SEMA6D: variants seen among roughly 807,000 people sequenced by gnomAD.
SEMA6D encodes the protein semaphorin 6D.
SEMA6D carries 35 observed loss-of-function variants against 106.6 expected under a neutral mutation model. The observed-to-expected ratio is 0.33, with a 90% CI of 0.25 to 0.44. The LOEUF (loss-of-function observed/expected upper bound fraction) is 0.44, where lower values mean the gene tolerates loss of function less well. Among genes scored for constraint, SEMA6D ranks in the 20% least tolerant of loss-of-function variants. SEMA6D has a pLI of 1.00. For missense variants in SEMA6D, 1,185 were observed against 1,345.9 expected, an observed-to-expected ratio of 0.88 and a Z score of 1.87; for synonymous variants, 499 against 487.7, an observed-to-expected ratio of 1.02 and a Z score of -0.31.
chr15:47,390,024 T>G (rs965449427), intron 1 of SEMA6D, among the ~76,000 whole-genome samples: 1 of 152,230 alleles, frequency 6.6e-6, no homozygotes, highest in Non-Finnish European at 1.5e-5. Flanking sequence ...CTTTATATAC[T>G]GTCTCTCTTA....
intron 1 of SEMA6D, among the ~76,000 whole-genome samples, chr15:47,228,226 C>T (rs1445350928): frequency 2.7e-5 from 4 of 150,240 alleles, no homozygotes; most frequent in Admixed American, 6.7e-5. Context: ...GTGATTGAGT[C>T]GTACCAGCAG....
In SEMA6D at chr15:47,763,916, A is replaced by G; in HGVS notation, c.814A>G (p.Lys272Glu). The G allele has an allele frequency of 6.2e-7, 1 of 1,613,946 alleles. No individual in the cohort carries two copies. Among genetic ancestry groups the G allele is most frequent in the Non-Finnish European group, 8.5e-7 (1 of 1,179,890 alleles). Residue 272 changes from lysine (K) to glutamate (E), a missense_variant, in exon 10 of 19, where the codon AAA becomes GAA. By Grantham distance (56) the Lys-to-Glu change is moderately conservative (BLOSUM62 1). This residue lies in a region of SEMA6D where 291 missense variants were observed against 423.8 expected (regional missense o/e 0.69). Coordinates refer to ENST00000536845, the MANE Select transcript of SEMA6D (RefSeq NM_001358351.3). ...GGGTGGTTCCCAGCGGGTCCTGGAG[A>G]AACACTGGACTTCATTTCTAAAGGC... Reference protein sequence around the residue: ...DMGGSQRVLEKHWTSFLKARL... With the variant: ...DMGGSQRVLEEHWTSFLKARL...
chr15:47,319,440 G>A (rs1055870148), intron 1 of SEMA6D, among the ~76,000 whole-genome samples: 1 of 152,154 alleles, frequency 6.6e-6, no homozygotes, highest in Non-Finnish European at 1.5e-5. Context: ...TAAGATGTGG[G>A]TGGAGGACTC....
intron 3 of SEMA6D, among the ~76,000 whole-genome samples, chr15:47,551,322 G>C (rs2045680338): frequency 6.6e-6 from 1 of 152,090 alleles, no homozygotes; most frequent in Non-Finnish European, 1.5e-5. Flanking sequence ...TACTCCATTT[G>C]GTTGGGGGCA....
intron 2 of SEMA6D, among the ~76,000 whole-genome samples, chr15:47,444,201 C>A (rs548750374): frequency 6.6e-6 from 1 of 152,264 alleles, no homozygotes; most frequent in Non-Finnish European, 1.5e-5. Context: ...TAATCATGTG[C>A]ACATGCACAT....
chr15:47,293,981 A>G (rs1323002928), intron 1 of SEMA6D, among the ~76,000 whole-genome samples: 1 of 152,200 alleles, frequency 6.6e-6, no homozygotes, highest in African/African-American at 2.4e-5. Context: ...CTGCAACGTC[A>G]GCAGTGCTTG....
chr15:47,384,558 G>A (rs532416014), intron 1 of SEMA6D, among the ~76,000 whole-genome samples: 2 of 152,326 alleles, frequency 1.3e-5, no homozygotes, highest in African/African-American at 2.4e-5. Flanking sequence ...CAGAGGCCCT[G>A]CAGCCTGCAA....
At chr15:47,404,532 G>C (rs1221304091) in intron 1 of SEMA6D, among the ~76,000 whole-genome samples, 1 of 152,098 alleles carries the variant, frequency 6.6e-6, no homozygotes, top group Non-Finnish European at 1.5e-5. Context: ...CTCTCTCTAA[G>C]ACCTTTAATG....
At chr15:47,216,444 A>G (rs1438213675) in intron 1 of SEMA6D, among the ~76,000 whole-genome samples, 2 of 152,156 alleles carry the variant, frequency 1.3e-5, no homozygotes, top group Non-Finnish European at 2.9e-5. Flanking sequence ...CATGTTACAC[A>G]TCCCAGAATA....
chr15:47,564,212 C>G (rs1315756590), intron 3 of SEMA6D, among the ~76,000 whole-genome samples: 3 of 152,182 alleles, frequency 2.0e-5, no homozygotes, highest in Non-Finnish European at 4.4e-5. Flanking sequence ...CAAGAGTCAG[C>G]CTGCCTATAC....
intron 4 of SEMA6D, among the ~76,000 whole-genome samples, chr15:47,669,569 G>A (rs1285496347): frequency 6.6e-6 from 1 of 152,050 alleles, no homozygotes; most frequent in African/African-American, 2.4e-5. Context: ...ATTCTCCATG[G>A]CTACTATTCA....
chr15:47,311,800 G>A (rs1005670202), intron 1 of SEMA6D, among the ~76,000 whole-genome samples: 2 of 152,080 alleles, frequency 1.3e-5, no homozygotes, highest in South Asian at 4.1e-4. Context: ...AATCTCTTTC[G>A]GTGAGTTTTA....
chr15:47,654,307 C>A (rs532790946), intron 4 of SEMA6D, among the ~76,000 whole-genome samples: 238 of 152,262 alleles, frequency 1.6e-3, no homozygotes, highest in Non-Finnish European at 2.8e-3. Context: ...ACTTGACTTT[C>A]CCAAAACTTA....
chr15:47,745,563 A>AT (rs2147167953), intron 1 of SEMA6D, among the ~76,000 whole-genome samples: 1 of 152,344 alleles, frequency 6.6e-6, no homozygotes, highest in African/African-American at 2.4e-5. Flanking sequence ...AGGAACTGAG[A>AT]TTTTAAGAAC....
chr15:47,694,553 C>A (rs1357677022), intron 4 of SEMA6D, among the ~76,000 whole-genome samples: 1 of 152,074 alleles, frequency 6.6e-6, no homozygotes, highest in Admixed American at 6.6e-5. Context: ...AATTCAGGGC[C>A]TGCTTGGGTG....
chr15:47,770,214 T>G (rs485173), intron 18 of SEMA6D, among the ~76,000 whole-genome samples: 1 of 152,026 alleles, frequency 6.6e-6, no homozygotes. Context: ...TCTTACATTT[T>G]TAACATGTAA....
chr15:47,227,419 C>CTCTTTCTT (rs10652948), intron 1 of SEMA6D, among the ~76,000 whole-genome samples: 60,843 of 115,340 alleles, frequency 0.53, 17,731 homozygotes, highest in East Asian at 0.83. Context: ...TTCTTTCTTT[C>CTCTTTCTT]TCTTTCTTTC....
intron 3 of SEMA6D, among the ~76,000 whole-genome samples, chr15:47,548,047 C>T (rs1252266319): frequency 6.6e-6 from 1 of 152,126 alleles, no homozygotes; most frequent in Non-Finnish European, 1.5e-5. Flanking sequence ...TGTGTCTTTT[C>T]ATTTGCCACA....
intron 1 of SEMA6D, among the ~76,000 whole-genome samples, chr15:47,289,450 G>A (rs1398291145): frequency 6.9e-6 from 1 of 144,848 alleles, no homozygotes; most frequent in Non-Finnish European, 1.5e-5. Flanking sequence ...CAGCATATTT[G>A]TTTTTCAGTA....
Sources: gnomAD v4.1 joint callset for allele counts (sites outside exome capture counted in the v4.1 genomes callset) on GRCh38, gnomAD v4.1.1 for gene constraint, gnomAD v4.1.1 regional missense constraint, MANE v1.5 for transcripts, NCBI Gene and HGNC (gene_info 2026-07-23, HGNC 2026-07-21) for gene names.